Variants in DPYSL2 observed in about 807,000 individuals in gnomAD.
The protein encoded by DPYSL2 is dihydropyrimidinase-related protein 2.
Under a neutral mutation model 69.9 loss-of-function variants are expected in DPYSL2, and 13 were observed. The ratio of observed to expected loss-of-function variants is 0.19; its 90% CI spans 0.12 to 0.30. The LOEUF is 0.30. Ranked by LOEUF, DPYSL2 falls within the 10% of genes least tolerant of loss-of-function variation. The pLI is 1.00. For synonymous variants in DPYSL2, 326 were observed against 359.1 expected, an observed-to-expected ratio of 0.91 and a Z score of 1.04; for missense variants, 587 against 918.9, an observed-to-expected ratio of 0.64 and a Z score of 4.67.
In DPYSL2 at chr8:26,647,581, C is replaced by G. The variant is rs543166892; in HGVS notation, c.1426-49C>G. 1 of 1,536,972 alleles carries G rather than the reference C, an allele frequency of 6.5e-7. No individual in the cohort carries two copies. The highest frequency in any genetic ancestry group is 1.3e-5 in the South Asian group (1 of 79,970). ...TTGTTATTGAAAAGTAACTTTTTAA[C>G]TCGTTTCTGCTGTGTGCCTCCTGTG... On this transcript the variant is annotated intron_variant, in intron 10 of 13. Coordinates refer to ENST00000521913, the MANE Select transcript of DPYSL2 (RefSeq NM_001197293.3). The surrounding 1 kb of genome is among the most constrained non-coding windows in gnomAD (Gnocchi z 5.1).
chr8:26,574,715 TTGAG>T (rs902634300), intron 1 of DPYSL2, among the ~76,000 whole-genome samples: 6 of 152,306 alleles, frequency 3.9e-5, no homozygotes, highest in African/African-American at 9.6e-5. Flanking sequence ...GAAATTTTCA[TTGAG>T]TGTTTTTCTA....
rs1342545497 is a variant in DPYSL2, at chr8:26,578,485, C to A, written c.355-3484C>A. The A allele has an allele frequency of 7.6e-6, 11 of 1,445,456 alleles. No individual in the cohort carries two copies. The East Asian group carries it at 2.8e-4, about 36-fold the overall frequency. 89.5% of individuals were successfully genotyped at this position (1,445,456 alleles called of 1,614,324 possible). A position where few individuals can be genotyped will look rare whatever the true frequency, so the allele number is the denominator to read the frequency against. On this transcript the variant is annotated intron_variant, in intron 1 of 13. Transcript: ENST00000521913. ...AGTGATCCAGGATTAGAAGTCGCATCGTTTGCAAGGCATTAAACAGGAGCG... is the reference window on the plus strand; with the variant it reads ...AGTGATCCAGGATTAGAAGTCGCATAGTTTGCAAGGCATTAAACAGGAGCG...
Position 26,614,356 on chromosome 8 carries a change from C to T in DPYSL2, c.629-9787C>T, listed in dbSNP as rs1265097788. Reference sequence around the variant, plus strand: ...AGGGAATGGGAGCGAGAAGGTGGGGCGTCAGCAACATTCAGCTCCCTCCAT... The same window carrying T: ...AGGGAATGGGAGCGAGAAGGTGGGGTGTCAGCAACATTCAGCTCCCTCCAT... On this transcript the variant is annotated intron_variant, in intron 3 of 13. Transcript: ENST00000521913. This position sits in a 1 kb window ranked among gnomAD's most constrained non-coding sequence, Gnocchi z 4.9. Among the ~76,000 whole-genome samples the T allele has an allele frequency of 2.0e-5, 3 of 151,908 alleles. No individual in the cohort carries two copies. Among genetic ancestry groups the T allele is most frequent in the Middle Eastern group, 3.4e-3 (1 of 294 alleles).
At chr8:26,628,527 G>C (rs1435061317) in intron 7 of DPYSL2, among the ~76,000 whole-genome samples, 1 of 152,216 alleles carries the variant, frequency 6.6e-6, no homozygotes, top group Non-Finnish European at 1.5e-5. Context: ...CACGTCTTAG[G>C]TAATGGAGAA....
chr8:26,643,915 A>G lies in DPYSL2; in HGVS notation c.1284-35A>G. On this transcript the variant is annotated intron_variant, in intron 9 of 13. Transcript: ENST00000521913. The surrounding 1 kb of genome is among the most constrained non-coding windows in gnomAD (Gnocchi z 6.5). ...GGTGTAGGCGCACAGCATCTTGACG[A>G]AGCTGCAGCACCACGTTATGCATTT... 1 of 1,604,840 alleles carries G rather than the reference A, an allele frequency of 6.2e-7. No individual in the cohort carries two copies. Among genetic ancestry groups the G allele is most frequent in the East Asian group, 2.2e-5 (1 of 44,714 alleles).
rs1428948451 is a variant in DPYSL2 at position 26,585,638 on chromosome 8, C to T, written c.628+1655C>T. Among the ~76,000 whole-genome samples, 1 of 152,126 alleles carries T rather than the reference C, an allele frequency of 6.6e-6. No individual in the cohort carries two copies. Among genetic ancestry groups the T allele is most frequent in the Non-Finnish European group, 1.5e-5 (1 of 68,018 alleles). On this transcript the variant is annotated intron_variant, in intron 3 of 13. Transcript: ENST00000521913. The surrounding 1 kb of genome is among the most constrained non-coding windows in gnomAD (Gnocchi z 4.0). The stretch of plus-strand genomic sequence containing the variant: ...CTGGGGAATCACTGGCACCTGTGGG[C>T]GTTTCTGCCTCTCCTCCAGGGCGGA...
At chr8:26,545,541 C>G (rs1382552219) in intron 1 of DPYSL2, among the ~76,000 whole-genome samples, 1 of 152,074 alleles carries the variant, frequency 6.6e-6, no homozygotes, top group Admixed American at 6.5e-5. Context: ...CCAAACTAGC[C>G]TGGCTAACGT....
intron 3 of DPYSL2, among the ~76,000 whole-genome samples, chr8:26,594,491 A>C (rs1294420336): frequency 1.3e-5 from 2 of 152,116 alleles, no homozygotes; most frequent in African/African-American, 4.8e-5. Flanking sequence ...TCATTTATCT[A>C]ATCTATCTAT....
intron 7 of DPYSL2, among the ~76,000 whole-genome samples, chr8:26,630,167 T>TGCACATATGCGCTTGCAC (rs1802733706): frequency 6.6e-6 from 1 of 152,232 alleles, no homozygotes. Flanking sequence ...CACACACACA[T>TGCACATATGCGCTTGCAC]GCACATATGC....
chr8:26,623,197 G>A (rs1384902623), intron 3 of DPYSL2, among the ~76,000 whole-genome samples: 1 of 152,206 alleles, frequency 6.6e-6, no homozygotes, highest in Non-Finnish European at 1.5e-5. Context: ...AAAACGGTCT[G>A]TGTAGCTGGA....
At chr8:26,567,371 T>C (rs1332922699) in intron 1 of DPYSL2, among the ~76,000 whole-genome samples, 1 of 151,520 alleles carries the variant, frequency 6.6e-6, no homozygotes, top group Non-Finnish European at 1.5e-5. Flanking sequence ...CATCCATCCA[T>C]CTGCCCACCC....
Position 26,593,809 on chromosome 8 carries a change from C to T in DPYSL2, c.628+9826C>T, listed in dbSNP as rs1002290074. 6.6e-6 allele frequency among the ~76,000 whole-genome samples: 1 copy of T among 152,142 alleles called. No homozygotes were observed. Among genetic ancestry groups the T allele is most frequent in the Non-Finnish European group, 1.5e-5 (1 of 68,038 alleles). ...CTGTGGCCACCTGCTGTGCTGGTTT[C>T]CCTGAGAAAACCCTACTGTCTTTAG... On this transcript the variant is annotated intron_variant, in intron 3 of 13. Coordinates refer to ENST00000521913, the MANE Select transcript of DPYSL2 (RefSeq NM_001197293.3). This position sits in a 1 kb window ranked among gnomAD's most constrained non-coding sequence, Gnocchi z 5.7.
At chr8:26,590,725 G>A (rs1278545306) in intron 3 of DPYSL2, among the ~76,000 whole-genome samples, 2 of 152,252 alleles carry the variant, frequency 1.3e-5, no homozygotes, top group South Asian at 2.1e-4. Context: ...AGTTTGGGCC[G>A]ATCTAATGCC....
chr8:26,549,090 G>T (rs146610282), intron 1 of DPYSL2, among the ~76,000 whole-genome samples: 4,232 of 151,912 alleles, frequency 0.028, 202 homozygotes, highest in African/African-American at 0.095. Context: ...TCGGGAGGCT[G>T]AGGCAAGAGA....
At chr8:26,615,804 T>C (rs1435971848) in intron 3 of DPYSL2, among the ~76,000 whole-genome samples, 1 of 152,202 alleles carries the variant, frequency 6.6e-6, no homozygotes, top group Non-Finnish European at 1.5e-5. Context: ...TTCTAAATAG[T>C]TCCAGCTCTT....
intron 3 of DPYSL2, among the ~76,000 whole-genome samples, chr8:26,622,160 T>TCCCTCC (rs1393435759): frequency 0.083 from 7,957 of 95,764 alleles, 1,110 homozygotes; most frequent in East Asian, 0.12. Flanking sequence ...CTTCCTTCCC[T>TCCCTCC]CTCTCTCTCT....
At position 26,579,871 on chromosome 8, in the gene DPYSL2, T is replaced by TGACCCA. The variant is rs1585521441; in HGVS notation, c.355-2098_355-2097insGACCCA. Among the ~76,000 whole-genome samples the TGACCCA allele has an allele frequency of 2.1e-5, 3 of 143,750 alleles. No homozygotes were observed. In the East Asian group the frequency reaches 6.2e-4, roughly 30 times the overall value. 94.3% of individuals were successfully genotyped at this position (143,750 alleles called of 152,430 possible). On this transcript the variant is annotated intron_variant, in intron 1 of 13. Coordinates refer to ENST00000521913, the MANE Select transcript of DPYSL2 (RefSeq NM_001197293.3). ...GTCTTCGTGAATGAACAAGGCAGCTTCATTTTGACAGTGTGGGGAGAAAAA... is the reference window on the plus strand; with the variant it reads ...GTCTTCGTGAATGAACAAGGCAGCTTGACCCACATTTTGACAGTGTGGGGAGAAAAA...
intron 3 of DPYSL2, among the ~76,000 whole-genome samples, chr8:26,611,558 G>C (rs971181103): frequency 6.6e-6 from 1 of 152,180 alleles, no homozygotes; most frequent in Non-Finnish European, 1.5e-5. Flanking sequence ...AGGGATATGA[G>C]GTGCTGTAAA....
chr8:26,579,069 G>A (rs1464737008), intron 1 of DPYSL2, among the ~76,000 whole-genome samples: 1 of 152,226 alleles, frequency 6.6e-6, no homozygotes, highest in Non-Finnish European at 1.5e-5. Context: ...CGTCCGTGTT[G>A]GTGCATACAA....
Sources: allele counts gnomAD v4.1 joint callset (sites outside exome capture counted in the v4.1 genomes callset), GRCh38; gene constraint gnomAD v4.1.1; non-coding constraint Gnocchi (gnomAD v3.1); transcripts MANE v1.5; gene names NCBI Gene and HGNC (gene_info 2026-07-23, HGNC 2026-07-21).